The following ACYP2 variants were observed in gnomAD, a reference collection of about 807,000 sequenced individuals.
ACYP2 encodes the protein acylphosphatase-2.
In ACYP2, 12 loss-of-function variants were observed where a neutral mutation model predicts 11.2. That is an observed-to-expected ratio of 1.08 (90% CI 0.69 to 1.74). The LOEUF (loss-of-function observed/expected upper bound fraction) is 1.74, where lower values mean the gene tolerates loss of function less well. Among genes scored for constraint, ACYP2 ranks in the 40% most tolerant of loss-of-function variants. The pLI is 0.00. For synonymous variants in ACYP2, 43 were observed against 32.2 expected (o/e 1.33, Z -1.13); for missense variants, 134 against 101.9 (o/e 1.31, Z -1.35).
chr2:54,135,921 G>T (rs976859928), intron 5 of ACYP2, among the ~76,000 whole-genome samples: 1 of 152,186 alleles, frequency 6.6e-6, no homozygotes, highest in Non-Finnish European at 1.5e-5. Flanking sequence ...GTTTGGAGAC[G>T]GAGTCTTATT....
In ACYP2 at chr2:54,134,312, G is replaced by GTAAA. The variant is rs199837390; in HGVS notation, c.278-1120_278-1117dup. Among the ~76,000 whole-genome samples the GTAAA allele has an allele frequency of 1.7e-3, 265 of 151,844 alleles. 1 individual carries two copies. The highest frequency in any genetic ancestry group is 4.9e-3 in the African/African-American group (203 of 41,430). ...GTCTCTAAAATAAATAAATAAGTAAGTAAATAAATAAATAAATAAATAAAG... is the reference window on the plus strand; with the variant it reads ...GTCTCTAAAATAAATAAATAAGTAAGTAAATAAATAAATAAATAAATAAATAAAG... On this transcript the variant is annotated intron_variant, in intron 4 of 6. Transcript: ENST00000607452.
chr2:54,282,865 T>A (rs1688908121), intron 6 of ACYP2, among the ~76,000 whole-genome samples: 2 of 152,158 alleles, frequency 1.3e-5, no homozygotes, highest in Non-Finnish European at 2.9e-5. Flanking sequence ...TGTGAAAGAA[T>A]ACACCTTCAA....
chr2:54,138,589 C>G (rs778210156), intron 5 of ACYP2, 50 bp from the exon 3 acceptor site: 10 of 1,455,238 alleles, frequency 6.9e-6, no homozygotes, highest in Non-Finnish European at 9.5e-6. Context: ...ATGTTATGAA[C>G]TCAGACTTTT....
intron 2 of ACYP2, among the ~76,000 whole-genome samples, chr2:54,020,168 C>A (rs945195035): frequency 1.3e-5 from 2 of 152,098 alleles, no homozygotes; most frequent in Non-Finnish European, 2.9e-5. Flanking sequence ...AATTCCTGAT[C>A]TCAGGTGATT....
At chr2:54,094,834 A>T (rs1678431067) in intron 4 of ACYP2, among the ~76,000 whole-genome samples, 1 of 152,174 alleles carries the variant, frequency 6.6e-6, no homozygotes, top group Admixed American at 6.5e-5. Flanking sequence ...CACCATGGCC[A>T]GGCAAAATAT....
chr2:54,218,461 T>G (rs1685650415), intron 6 of ACYP2, among the ~76,000 whole-genome samples: 1 of 152,236 alleles, frequency 6.6e-6, no homozygotes, highest in African/African-American at 2.4e-5. Flanking sequence ...TCATATGTAT[T>G]TATTTTTGTA....
At chr2:54,231,791 G>A (rs1323626169) in intron 6 of ACYP2, among the ~76,000 whole-genome samples, 1 of 152,182 alleles carries the variant, frequency 6.6e-6, no homozygotes. Context: ...TCCATTTCCT[G>A]CCTCTCGGGC....
intron 4 of ACYP2, among the ~76,000 whole-genome samples, chr2:54,065,266 T>A (rs906729177): frequency 2.0e-5 from 3 of 152,222 alleles, no homozygotes; most frequent in Admixed American, 2.0e-4. Context: ...AAGAGAGGCA[T>A]CAAGGTTAGT....
chr2:54,237,843 C>T (rs1349574641), intron 6 of ACYP2, among the ~76,000 whole-genome samples: 1 of 151,960 alleles, frequency 6.6e-6, no homozygotes, highest in East Asian at 1.9e-4. Context: ...TTCCCATTCT[C>T]TCTTCCCTCT....
intron 4 of ACYP2, 160 bp from the exon 1 acceptor site, chr2:54,115,455 G>A (rs982955561): frequency 3.1e-6 from 3 of 981,642 alleles, no homozygotes; most frequent in Non-Finnish European, 4.3e-6. Flanking sequence ...TCCGGGAAGA[G>A]AGGCCTAGGA....
intron 6 of ACYP2, among the ~76,000 whole-genome samples, chr2:54,269,957 A>AT (rs1262838174): frequency 6.6e-6 from 1 of 152,158 alleles, no homozygotes; most frequent in African/African-American, 2.4e-5. Flanking sequence ...TATACTGGGT[A>AT]TTTTGTTTCC....
At chr2:54,169,898 A>C (rs1049645162) in intron 6 of ACYP2, among the ~76,000 whole-genome samples, 2 of 152,162 alleles carry the variant, frequency 1.3e-5, no homozygotes, top group African/African-American at 4.8e-5. Context: ...TCCTAATTTC[A>C]GATTAACTGG....
intron 6 of ACYP2, among the ~76,000 whole-genome samples, chr2:54,237,745 C>A (rs556982158): frequency 1.3e-5 from 2 of 152,040 alleles, no homozygotes; most frequent in South Asian, 4.2e-4. Flanking sequence ...TTTTCCTTAT[C>A]TTGGTTTAAG....
chr2:54,155,513 G>T (rs1682389205), intron 6 of ACYP2, among the ~76,000 whole-genome samples: 1 of 152,178 alleles, frequency 6.6e-6, no homozygotes, highest in Non-Finnish European at 1.5e-5. Flanking sequence ...CAGATCAGTG[G>T]CAGCATTAGA....
In ACYP2 at chr2:54,273,753, C is replaced by G. The variant is rs182077544; in HGVS notation, c.405-30935C>G. ...TGTTGGGATTACAGGCATGAGCCCT[C>G]GCACCTGGCCACATTTCTAAACTTT... On this transcript the variant is annotated intron_variant, in intron 6 of 6. Transcript: ENST00000607452. 2.4e-4 allele frequency among the ~76,000 whole-genome samples: 36 copies of G among 152,292 alleles called. No individual in the cohort carries two copies. The East Asian group carries it at 4.8e-3, about 20-fold the overall frequency.
intron 4 of ACYP2, among the ~76,000 whole-genome samples, chr2:54,130,523 G>A (rs1200313953): frequency 3.3e-5 from 5 of 152,138 alleles, no homozygotes; most frequent in Non-Finnish European, 7.3e-5. Flanking sequence ...ACCATGTTGG[G>A]TGCTTTATGG....
At chr2:54,097,743 T>C (rs1451386109) in intron 4 of ACYP2, among the ~76,000 whole-genome samples, 9 of 152,078 alleles carry the variant, frequency 5.9e-5, no homozygotes, top group Admixed American at 5.9e-4. Flanking sequence ...AGACGTCATG[T>C]TATTTTAGCT....
intron 4 of ACYP2, among the ~76,000 whole-genome samples, chr2:54,111,903 G>A (rs1199288073): frequency 6.6e-6 from 1 of 152,152 alleles, no homozygotes; most frequent in African/African-American, 2.4e-5. Flanking sequence ...ACCCCATGTG[G>A]TGATGAATTT....
At chr2:53,977,818 A>G (rs1053396329) in intron 2 of ACYP2, among the ~76,000 whole-genome samples, 3 of 151,036 alleles carry the variant, frequency 2.0e-5, no homozygotes, top group African/African-American at 4.9e-5. Context: ...CACCTCACAT[A>G]CTTAACATTC....
Sources: gnomAD v4.1 joint callset for allele counts (sites outside exome capture counted in the v4.1 genomes callset) on GRCh38, gnomAD v4.1.1 for gene constraint, MANE v1.5 for transcripts, NCBI Gene and HGNC (gene_info 2026-07-23, HGNC 2026-07-21) for gene names.